WNK3: variants seen among roughly 807,000 people sequenced by gnomAD.
WNK3 encodes serine/threonine-protein kinase WNK3.
In WNK3, 18 loss-of-function variants were observed where a neutral mutation model predicts 116.7. The observed-to-expected ratio is 0.15, with a 90% CI of 0.11 to 0.23. The LOEUF is 0.23. Among genes scored for constraint, WNK3 ranks in the 10% least tolerant of loss-of-function variants. The pLI is 1.00. For synonymous variants in WNK3, 404 were observed against 469.4 expected, an observed-to-expected ratio of 0.86 and a Z score of 1.80; for missense variants, 993 against 1,323.8, an observed-to-expected ratio of 0.75 and a Z score of 3.88.
intron 20 of WNK3, 48 bp downstream of exon 20, chrX:54,236,890 T>A: frequency 8.7e-7 from 1 of 1,144,311 alleles, no homozygotes; most frequent in South Asian, 2.2e-5. Context: ...CTAAGTTCTA[T>A]AAAACCTAGG....
At chrX:54,243,624 T>TA (rs2068047113) in intron 17 of WNK3, among the ~76,000 whole-genome samples, 1 of 111,161 alleles carries the variant, frequency 9.0e-6, no homozygotes, top group African/African-American at 3.3e-5. Context: ...ACTTTATACT[T>TA]ACCAGGATGG....
intron 11 of WNK3, among the ~76,000 whole-genome samples, chrX:54,258,277 C>CAAAAAA (rs1177900992): frequency 1.1e-4 from 3 of 27,984 alleles, no homozygotes; most frequent in African/African-American, 1.1e-4. Flanking sequence ...GACTCCATCT[C>CAAAAAA]AAAAAAAAAA....
At position 54,274,394 on chromosome X, in the gene WNK3, C is replaced by T. The variant is rs150056028; in HGVS notation, c.2038-15056G>A. ...AAAGATAATTTCCATAACATCCACCCACCTAAATAGCATTTATGGCCATAA... is the reference window on the plus strand; with the variant it reads ...AAAGATAATTTCCATAACATCCACCTACCTAAATAGCATTTATGGCCATAA... On this transcript the variant is annotated intron_variant, in intron 10 of 23. Transcript: ENST00000354646. Among the ~76,000 whole-genome samples, 484 of 111,447 alleles carry T rather than the reference C, an allele frequency of 4.3e-3. 2 individuals carry two copies. The highest frequency in any genetic ancestry group is 0.012 in the African/African-American group (375 of 30,777).
intron 22 of WNK3, among the ~76,000 whole-genome samples, chrX:54,204,084 C>T (rs1395419377): frequency 8.9e-6 from 1 of 111,814 alleles, no homozygotes; most frequent in African/African-American, 3.2e-5. Context: ...TCTATGAACC[C>T]TGTGCTACTG....
At chrX:54,264,263 G>A (rs1444672812) in intron 10 of WNK3, among the ~76,000 whole-genome samples, 1 of 108,631 alleles carries the variant, frequency 9.2e-6, no homozygotes, top group African/African-American at 3.4e-5. Context: ...AACCCGGGAG[G>A]TGGAGGTTGC....
intron 22 of WNK3, among the ~76,000 whole-genome samples, chrX:54,227,221 C>T (rs782597503): frequency 1.8e-3 from 202 of 110,737 alleles, no homozygotes; most frequent in South Asian, 9.9e-3. Context: ...TTCTTTTTTT[C>T]GCCTCATATG....
At chrX:54,252,214 A>G (rs949036071) in intron 13 of WNK3, among the ~76,000 whole-genome samples, 1 of 111,535 alleles carries the variant, frequency 9.0e-6, no homozygotes, top group Non-Finnish European at 1.9e-5. Flanking sequence ...GACTACTGAC[A>G]TTTCTCAGAT....
At chrX:54,240,116 C>G (rs1557151222) in intron 17 of WNK3, among the ~76,000 whole-genome samples, 1 of 110,501 alleles carries the variant, frequency 9.0e-6, no homozygotes, top group African/African-American at 3.3e-5. Context: ...ACCAGACTGG[C>G]CAACATGGTG....
At chrX:54,301,950 C>A in intron 5 of WNK3, 91 bp from the exon 6 acceptor site, 1 of 633,491 alleles carries the variant, frequency 1.6e-6, no homozygotes, top group Non-Finnish European at 2.5e-6. Context: ...TATCACTAAA[C>A]CATAGTCAAG....
chrX:54,201,208 A>T (rs916737198), intron 23 of WNK3, among the ~76,000 whole-genome samples: 1 of 111,690 alleles, frequency 9.0e-6, no homozygotes, highest in Non-Finnish European at 1.9e-5. Flanking sequence ...ACCATCCAGC[A>T]TATTTTTCAT....
intron 17 of WNK3, among the ~76,000 whole-genome samples, chrX:54,240,162 G>C (rs2146887825): frequency 9.0e-6 from 1 of 110,866 alleles, no homozygotes; most frequent in South Asian, 3.9e-4. Context: ...AAATCAGCCT[G>C]TCGTGGTGGT....
At chrX:54,208,634 C>G (rs1557143165) in intron 22 of WNK3, among the ~76,000 whole-genome samples, 1 of 111,812 alleles carries the variant, frequency 8.9e-6, no homozygotes, top group African/African-American at 3.2e-5. Context: ...CTTGGCCTCC[C>G]AAAGTGCTGG....
chrX:54,303,856 T>A (rs1014676361), intron 5 of WNK3, among the ~76,000 whole-genome samples: 8 of 111,674 alleles, frequency 7.2e-5, no homozygotes, highest in African/African-American at 2.6e-4. Context: ...TCATTTCTCA[T>A]CTCTGGGTAA....
chrX:54,195,427 T>C (rs1482635865), exon 24 of WNK3: 1 of 111,609 alleles, frequency 9.0e-6, no homozygotes, highest in Non-Finnish European at 1.9e-5. Flanking sequence ...AAGTTAATTA[T>C]TTCTGGGGAG....
chrX:54,237,291 A>G, exon 20 of WNK3: 1 of 1,212,266 alleles, frequency 8.2e-7, no homozygotes. Flanking sequence ...CAGTCTCACA[A>G]GCTGCGCTGA....
intron 22 of WNK3, chrX:54,223,797 G>T (rs192058122): frequency 2.9e-5 from 4 of 137,167 alleles, no homozygotes; most frequent in Admixed American, 1.7e-4. Flanking sequence ...ATCTCATAGA[G>T]CTAGCTGTCT....
intron 1 of WNK3, among the ~76,000 whole-genome samples, chrX:54,345,811 C>T (rs1396039238): frequency 9.5e-6 from 1 of 105,482 alleles, no homozygotes; most frequent in Admixed American, 1.0e-4. Context: ...AAGAAAACAA[C>T]GAAGGGTGAG....
intron 21 of WNK3, among the ~76,000 whole-genome samples, chrX:54,232,113 G>GTATATATA (rs781829275): frequency 2.3e-4 from 22 of 95,093 alleles, no homozygotes; most frequent in African/African-American, 7.6e-4. Context: ...GTGTGTGTGT[G>GTATATATA]TATATATATA....
chrX:54,296,164 G>A (rs1250449395), intron 7 of WNK3, among the ~76,000 whole-genome samples: 1 of 111,641 alleles, frequency 9.0e-6, no homozygotes, highest in Non-Finnish European at 1.9e-5. Flanking sequence ...GTTCTGCCTC[G>A]TCATCTCAGA....
Sources: allele counts gnomAD v4.1 joint callset (sites outside exome capture counted in the v4.1 genomes callset), GRCh38; gene constraint gnomAD v4.1.1; transcripts MANE v1.5; gene names NCBI Gene and HGNC (gene_info 2026-07-23, HGNC 2026-07-21).